FAM193A: variants seen among roughly 807,000 people sequenced by gnomAD.
The protein encoded by FAM193A is family with sequence similarity 193 member A.
Under a neutral mutation model 126.5 loss-of-function variants are expected in FAM193A, and 22 were observed. That is an observed-to-expected ratio of 0.17 (90% CI 0.12 to 0.25). The LOEUF (loss-of-function observed/expected upper bound fraction) is 0.25. Ranked by LOEUF, FAM193A falls within the 10% of genes least tolerant of loss-of-function variation. The pLI is 1.00. For missense variants in FAM193A, 1,675 were observed against 1,672.8 expected, an observed-to-expected ratio of 1.00 and a Z score of -0.02; for synonymous variants, 761 against 646.8, an observed-to-expected ratio of 1.18 and a Z score of -2.68.
chr4:2,722,302 G>A (rs2109402859), intron 20 of FAM193A, among the ~76,000 whole-genome samples: 1 of 152,296 alleles, frequency 6.6e-6, no homozygotes, highest in South Asian at 2.1e-4. Flanking sequence ...CAGGTGGTGT[G>A]GGGAGGGACA....
At chr4:2,628,051 T>C (rs986788690) in intron 4 of FAM193A, among the ~76,000 whole-genome samples, 2 of 151,976 alleles carry the variant, frequency 1.3e-5, no homozygotes, top group Admixed American at 6.6e-5. Flanking sequence ...TGCGCCCAGC[T>C]AATTTTTGTA....
chr4:2,722,896 C>T (rs548878594), intron 20 of FAM193A, among the ~76,000 whole-genome samples: 1 of 152,284 alleles, frequency 6.6e-6, no homozygotes, highest in Non-Finnish European at 1.5e-5. Context: ...CTCTGGAGCT[C>T]AGAGGATTCT....
intron 2 of FAM193A, among the ~76,000 whole-genome samples, chr4:2,601,229 T>TC (rs200661064): frequency 2.6e-3 from 291 of 112,704 alleles, no homozygotes; most frequent in African/African-American, 0.01. Flanking sequence ...TTCTTCTTCT[T>TC]TTTTTTTTTT....
intron 2 of FAM193A, among the ~76,000 whole-genome samples, chr4:2,610,989 C>T (rs1741835788): frequency 1.3e-5 from 2 of 151,940 alleles, no homozygotes; most frequent in Admixed American, 6.6e-5. Flanking sequence ...CACTCGCCTC[C>T]GCCTCCCAAA....
chr4:2,575,881 A>G (rs750329136), intron 1 of FAM193A, among the ~76,000 whole-genome samples: 1 of 152,020 alleles, frequency 6.6e-6, no homozygotes, highest in Non-Finnish European at 1.5e-5. Context: ...TCTTCCCTAA[A>G]TGTTCTTGTG....
At chr4:2,723,972 T>A (rs1720452754) in intron 20 of FAM193A, among the ~76,000 whole-genome samples, 1 of 151,590 alleles carries the variant, frequency 6.6e-6, no homozygotes, top group Non-Finnish European at 1.5e-5. Flanking sequence ...TGCCTGAGAC[T>A]CAGTTTTCTC....
chr4:2,555,225 A>C (rs1323925239), intron 1 of FAM193A, among the ~76,000 whole-genome samples: 1 of 152,168 alleles, frequency 6.6e-6, no homozygotes, highest in Admixed American at 6.6e-5. Flanking sequence ...TGGTGACACA[A>C]GCCATCTTCA....
intron 12 of FAM193A, among the ~76,000 whole-genome samples, chr4:2,668,244 C>T (rs886227554): frequency 2.7e-5 from 4 of 148,884 alleles, no homozygotes; most frequent in South Asian, 4.3e-4. Flanking sequence ...TACAGAGTCT[C>T]GCTCTGTCAC....
At chr4:2,556,393 A>G (rs1315136606) in intron 1 of FAM193A, among the ~76,000 whole-genome samples, 3 of 151,420 alleles carry the variant, frequency 2.0e-5, no homozygotes, top group Admixed American at 2.0e-4. Context: ...TTTAGTAGAG[A>G]TGGGGTTTCA....
At chr4:2,615,893 C>T (rs1742153749) in intron 2 of FAM193A, among the ~76,000 whole-genome samples, 1 of 152,016 alleles carries the variant, frequency 6.6e-6, no homozygotes, top group East Asian at 1.9e-4. Context: ...TCACTGCAAC[C>T]TCTGCCCGCT....
chr4:2,550,404 TC>T (rs1737841143), intron 1 of FAM193A, among the ~76,000 whole-genome samples: 1 of 151,926 alleles, frequency 6.6e-6, no homozygotes, highest in African/African-American at 2.4e-5. Flanking sequence ...AGCTTTACAT[TC>T]CTAGAATGAA....
At chr4:2,603,003 C>T (rs544846442) in intron 2 of FAM193A, among the ~76,000 whole-genome samples, 11 of 101,318 alleles carry the variant, frequency 1.1e-4, no homozygotes, top group African/African-American at 4.4e-4. Flanking sequence ...AAGTCTCGCT[C>T]TATTGCCCAG....
chr4:2,660,043 G>A lies in FAM193A; in HGVS notation c.1734G>A (p.Ser578=), dbSNP rs748896983. Residue 578 remains serine (S), a synonymous_variant, in exon 10 of 21, where the codon TCG becomes TCA. Transcript: ENST00000637812. Reference sequence around the variant, plus strand: ...GGCTCATCCTCACAGACAGTGGCTCGGCACCAACTTTGTAAGTTGTGACTT... The same window carrying A: ...GGCTCATCCTCACAGACAGTGGCTCAGCACCAACTTTGTAAGTTGTGACTT... ...HPRLILTDSG[S]APTFCSDDED... 25 of 1,613,062 alleles carry A rather than the reference G, an allele frequency of 1.5e-5. No individual in the cohort carries two copies. The highest frequency in any genetic ancestry group is 5.0e-5 in the Admixed American group (3 of 59,960).
chr4:2,689,552 T>C lies in FAM193A; in HGVS notation c.2378T>C (p.Val793Ala). The change falls in exon 14 of 21, where the codon GTA becomes GCA. Residue 793 changes from valine to alanine, a missense_variant. Around this residue, in one of 4 missense-constraint regions of FAM193A, gnomAD observed 1,186 missense variants for 1,109.2 expected, o/e 1.07. Transcript: ENST00000637812. ...CAGAATCACACAAATAAGCATCAGG[T>C]ATTCAATGCATCTCTTCAAGACCAT... ...PVQNHTNKHQVFNASLQDHIY... is the reference protein window; with the variant it reads ...PVQNHTNKHQAFNASLQDHIY... The C allele has an allele frequency of 6.5e-7, 1 of 1,547,648 alleles. No homozygotes were observed. The highest frequency in any genetic ancestry group is 8.6e-7 in the Non-Finnish European group (1 of 1,158,444).
intron 7 of FAM193A, chr4:2,655,247 C>T: frequency 2.1e-6 from 1 of 475,152 alleles, no homozygotes; most frequent in Non-Finnish European, 3.8e-6. Context: ...AAAAATAAAA[C>T]AGGAAGATGT....
rs141172660 is a variant in FAM193A, at chr4:2,615,776, G to A, written c.502-9486G>A. Among the ~76,000 whole-genome samples the A allele has an allele frequency of 5.0e-3, 758 of 152,192 alleles. 10 individuals carry two copies. Among genetic ancestry groups the A allele is most frequent in the African/African-American group, 0.017 (715 of 41,530 alleles). The stretch of plus-strand genomic sequence containing the variant: ...TCGTGATCTGCCGTCCTCGGCCTCC[G>A]AAAGTGCTGGGATTACAGGCAAGAG... On this transcript the variant is annotated intron_variant, in intron 2 of 20. Coordinates refer to ENST00000637812, the MANE Select transcript of FAM193A (RefSeq NM_001366318.2).
chr4:2,615,977 A>G (rs571214931), intron 2 of FAM193A, among the ~76,000 whole-genome samples: 48 of 152,190 alleles, frequency 3.2e-4, no homozygotes, highest in African/African-American at 1.1e-3. Context: ...ATGCCCGGCT[A>G]ATGTTTGTAT....
At chr4:2,660,177 G>T in intron 10 of FAM193A, 123 bp downstream of exon 10, 1 of 1,071,844 alleles carries the variant, frequency 9.3e-7, no homozygotes. Flanking sequence ...AAGGGACCCT[G>T]AGGTTTTTAA....
intron 19 of FAM193A, among the ~76,000 whole-genome samples, chr4:2,713,601 C>T (rs1577258646): frequency 1.3e-5 from 2 of 152,182 alleles, no homozygotes; most frequent in Admixed American, 6.6e-5. Flanking sequence ...GAATTCCATT[C>T]TTTGTGTTTT....
Sources: allele counts gnomAD v4.1 joint callset (sites outside exome capture counted in the v4.1 genomes callset), GRCh38; gene constraint gnomAD v4.1.1; regional missense constraint gnomAD v4.1.1; transcripts MANE v1.5; gene names NCBI Gene and HGNC (gene_info 2026-07-23, HGNC 2026-07-21).